Variants in ACTR10 observed in about 807,000 individuals in gnomAD.
ACTR10 encodes actin related protein 10, also known as actin-related protein 10.
In ACTR10, 43 loss-of-function variants were observed where a neutral mutation model predicts 56.2. The observed-to-expected ratio is 0.77, with a 90% CI of 0.60 to 0.99. The LOEUF is 0.99. Ranked by LOEUF, ACTR10 falls within the 50% of genes least tolerant of loss-of-function variation. ACTR10 has a pLI of 0.00. For synonymous variants in ACTR10, 170 were observed against 176.3 expected, an observed-to-expected ratio of 0.96 and a Z score of 0.28; for missense variants, 466 against 507.8, an observed-to-expected ratio of 0.92 and a Z score of 0.79.
chr14:58,219,822 T>G, intron 8 of ACTR10, 93 bp downstream of exon 8: 2 of 773,712 alleles, frequency 2.6e-6, no homozygotes, highest in Non-Finnish European at 3.9e-6. Context: ...GAAAATATAT[T>G]CATAATGTAA....
rs1889650762 is a variant in ACTR10 at position 58,235,167 on chromosome 14, C to G, written c.*616C>G. 6.6e-6 allele frequency: 1 copy of G among 152,156 alleles called. No individual in the cohort carries two copies. The highest frequency in any genetic ancestry group is 2.1e-4 in the South Asian group (1 of 4,832). The allele number at this position is 152,156 out of a possible 1,614,324, so 9.4% of individuals were successfully genotyped here. On this transcript the variant is annotated 3_prime_UTR_variant, in exon 13 of 13. Coordinates refer to ENST00000254286, the MANE Select transcript of ACTR10 (RefSeq NM_018477.3). ...CAGTATTTCTCCACAGTTCACATAA[C>G]CTGTTCTGGGCTCATTAATTGTGTT...
chr14:58,217,140 A>G (rs1889151484), intron 7 of ACTR10, among the ~76,000 whole-genome samples: 1 of 152,228 alleles, frequency 6.6e-6, no homozygotes, highest in Admixed American at 6.5e-5. Context: ...CAAAGATAAT[A>G]AATTCAGTGT....
At position 58,234,512 on chromosome 14, in the gene ACTR10, A is replaced by G. The variant is rs757335629; in HGVS notation, c.1215A>G (p.Gln405=). 28 of 1,613,876 alleles carry G rather than the reference A, an allele frequency of 1.7e-5. No homozygotes were observed. The highest frequency in any genetic ancestry group is 5.3e-5 in the African/African-American group (4 of 75,040). The part of the protein sequence containing the change: ...LEMMFDVGKT[Q]PPLMKRAFST... The stretch of plus-strand genomic sequence containing the variant: ...TGATGTTTGATGTCGGGAAAACTCA[A>G]CCACCTCTGATGAAGAGAGCATTTT... Residue 405 remains glutamine, a synonymous_variant, in exon 13 of 13, where the codon CAA becomes CAG. Coordinates refer to ENST00000254286, the MANE Select transcript of ACTR10 (RefSeq NM_018477.3).
intron 1 of ACTR10, among the ~76,000 whole-genome samples, chr14:58,202,103 G>A (rs1037519487): frequency 4.6e-5 from 7 of 151,584 alleles, no homozygotes; most frequent in African/African-American, 1.7e-4. Flanking sequence ...TTAAAACTAT[G>A]TCAAATATAT....
chr14:58,229,537 G>T (rs970855291), intron 10 of ACTR10, among the ~76,000 whole-genome samples: 1 of 152,072 alleles, frequency 6.6e-6, no homozygotes, highest in Non-Finnish European at 1.5e-5. Flanking sequence ...AATTAGCCGG[G>T]CGCGGTGGCG....
chr14:58,205,440 G>C (rs931142674), intron 2 of ACTR10, among the ~76,000 whole-genome samples: 1 of 149,268 alleles, frequency 6.7e-6, no homozygotes, highest in South Asian at 2.1e-4. Flanking sequence ...TCAGCCTCCC[G>C]AGTAGCTGGG....
intron 4 of ACTR10, among the ~76,000 whole-genome samples, chr14:58,210,277 A>T (rs1472645472): frequency 6.6e-6 from 1 of 152,176 alleles, no homozygotes; most frequent in East Asian, 1.9e-4. Context: ...ACTGAAAAAA[A>T]TGTTGCACAG....
At position 58,234,500 on chromosome 14, in the gene ACTR10, C is replaced by T. The variant is rs541353042; in HGVS notation, c.1203C>T (p.Val401=). 15 of 1,613,122 alleles carry T rather than the reference C, an allele frequency of 9.3e-6. No homozygotes were observed. The South Asian group carries it at 1.2e-4, about 13-fold the overall frequency. The stretch of plus-strand genomic sequence containing the variant: ...CACCTTTGGAAATGATGTTTGATGT[C>T]GGGAAAACTCAACCACCTCTGATGA... The part of the protein sequence containing the change: ...NNPPLEMMFD[V]GKTQPPLMKR... Residue 401 remains valine (V), a synonymous_variant, in exon 13 of 13, where the codon GTC becomes GTT. Coordinates refer to ENST00000254286, the MANE Select transcript of ACTR10 (RefSeq NM_018477.3).
intron 10 of ACTR10, among the ~76,000 whole-genome samples, chr14:58,229,867 G>A (rs1267938062): frequency 2.0e-5 from 3 of 151,728 alleles, no homozygotes; most frequent in Admixed American, 2.0e-4. Context: ...CATCACCACA[G>A]AGATCTTCCT....
At chr14:58,219,085 G>T (rs35849362) in intron 7 of ACTR10, among the ~76,000 whole-genome samples, 1 of 152,006 alleles carries the variant, frequency 6.6e-6, no homozygotes, top group South Asian at 2.1e-4. Flanking sequence ...CTTCCATAGC[G>T]CTGGGATTAC....
intron 4 of ACTR10, among the ~76,000 whole-genome samples, chr14:58,209,459 T>A (rs1252672247): frequency 6.6e-6 from 1 of 152,184 alleles, no homozygotes; most frequent in East Asian, 1.9e-4. Context: ...TTATTCAGAA[T>A]TAAAAGGTAT....
chr14:58,212,184 G>A (rs1473753724), intron 5 of ACTR10, among the ~76,000 whole-genome samples: 1 of 152,108 alleles, frequency 6.6e-6, no homozygotes, highest in African/African-American at 2.4e-5. Context: ...TAGAAGAGTT[G>A]TGTTAGTTGA....
intron 2 of ACTR10, 80 bp from the exon 3 acceptor site, chr14:58,207,855 AT>A (rs1788896867): frequency 1.2e-6 from 1 of 820,130 alleles, no homozygotes; most frequent in Non-Finnish European, 1.7e-6. Flanking sequence ...CAGAAAATGT[AT>A]TAGTAAATAA....
intron 6 of ACTR10, 86 bp from the exon 7 acceptor site, chr14:58,215,119 A>C (rs531833328): frequency 4.8e-6 from 4 of 839,144 alleles, no homozygotes; most frequent in Non-Finnish European, 7.2e-6. Context: ...AAAAAATCAT[A>C]ATAATCTATT....
chr14:58,200,319 G>A, intron 1 of ACTR10, 25 bp downstream of exon 1: 1 of 1,484,184 alleles, frequency 6.7e-7, no homozygotes, highest in Non-Finnish European at 8.9e-7. Context: ...CGCCAGCTGT[G>A]TTCGACCCGA....
rs527727867 is a variant in ACTR10 at position 58,221,327 on chromosome 14, C to T, written c.634+1598C>T. ...AATATATGCAGGCTGGGTGTAGTGGCTGGCCCCTGTAATCCCAGCACTTTG... is the reference window on the plus strand; with the variant it reads ...AATATATGCAGGCTGGGTGTAGTGGTTGGCCCCTGTAATCCCAGCACTTTG... On this transcript the variant is annotated intron_variant, in intron 8 of 12. Coordinates refer to ENST00000254286, the MANE Select transcript of ACTR10 (RefSeq NM_018477.3). Among the ~76,000 whole-genome samples the T allele has an allele frequency of 2.1e-5, 3 of 144,294 alleles. No homozygotes were observed. In the Admixed American group the frequency reaches 2.1e-4, roughly 10 times the overall value. The allele number at this position is 144,294 out of a possible 152,430, so 94.7% of individuals were successfully genotyped here. A position where few individuals can be genotyped will look rare whatever the true frequency, so the allele number is the denominator to read the frequency against.
intron 7 of ACTR10, among the ~76,000 whole-genome samples, chr14:58,216,553 A>G (rs59188435): frequency 6.6e-6 from 1 of 152,150 alleles, no homozygotes; most frequent in African/African-American, 2.4e-5. Flanking sequence ...AGTTTGTTCT[A>G]CCTCTTATCC....
chr14:58,234,882 C>A lies in ACTR10; in HGVS notation c.*331C>A. On this transcript the variant is annotated 3_prime_UTR_variant, in exon 13 of 13. Coordinates refer to ENST00000254286, the MANE Select transcript of ACTR10 (RefSeq NM_018477.3). Reference sequence around the variant, plus strand: ...TGTCACTTAGGCTGGAGTGCAGTGGCACAATCTCTACTCATTGCAAGCTCC... The same window carrying A: ...TGTCACTTAGGCTGGAGTGCAGTGGAACAATCTCTACTCATTGCAAGCTCC... 1 of 158,876 alleles carries A rather than the reference C, an allele frequency of 6.3e-6. No homozygotes were observed. The highest frequency in any genetic ancestry group is 1.3e-5 in the Non-Finnish European group (1 of 78,922). 9.8% of individuals were successfully genotyped at this position (158,876 alleles called of 1,614,324 possible).
chr14:58,230,275 A>G (rs1193051197), intron 10 of ACTR10, 124 bp from the exon 11 acceptor site: 2 of 496,630 alleles, frequency 4.0e-6, no homozygotes, highest in Non-Finnish European at 7.0e-6. Flanking sequence ...TATTTTAATA[A>G]TTATTCTTTG....
Sources: gnomAD v4.1 joint callset for allele counts (sites outside exome capture counted in the v4.1 genomes callset) on GRCh38, gnomAD v4.1.1 for gene constraint, MANE v1.5 for transcripts, NCBI Gene and HGNC (gene_info 2026-07-23, HGNC 2026-07-21) for gene names.